The following PTPRQ variants were observed in gnomAD, a reference collection of about 807,000 sequenced individuals.
PTPRQ encodes phosphatidylinositol phosphatase PTPRQ.
PTPRQ carries 199 observed loss-of-function variants against 246.0 expected under a neutral mutation model. The observed-to-expected ratio is 0.81, with a 90% CI of 0.72 to 0.91. The LOEUF is 0.91. Ranked by LOEUF, PTPRQ falls within the 40% of genes least tolerant of loss-of-function variation. The pLI is 0.00. For missense variants in PTPRQ, 2,624 were observed against 2,528.4 expected, an observed-to-expected ratio of 1.04 and a Z score of -0.81; for synonymous variants, 869 against 853.2, an observed-to-expected ratio of 1.02 and a Z score of -0.32.
At chr12:80,477,785 T>A (rs985014748) in intron 8 of PTPRQ, among the ~76,000 whole-genome samples, 1 of 151,974 alleles carries the variant, frequency 6.6e-6, no homozygotes, top group Non-Finnish European at 1.5e-5. Context: ...ACCTGGAAAA[T>A]CGGGTCACTC....
At chr12:80,669,202 A>C (rs1900886588) in intron 40 of PTPRQ, 61 bp downstream of exon 40, 5 of 1,532,874 alleles carry the variant, frequency 3.3e-6, no homozygotes, top group South Asian at 1.2e-5. Flanking sequence ...ATATGTGTGA[A>C]TATTTCATCT....
chr12:80,541,984 C>T, intron 21 of PTPRQ, 105 bp from the exon 22 acceptor site: 1 of 1,470,186 alleles, frequency 6.8e-7, no homozygotes, highest in Non-Finnish European at 9.0e-7. Context: ...CACAGTGTTT[C>T]TTAAAATAAT....
At position 80,534,102 on chromosome 12, in the gene PTPRQ, T is replaced by C. The variant is rs1396573931; in HGVS notation, c.2766T>C (p.Tyr922=). 1.3e-6 allele frequency: 2 copies of C among 1,542,520 alleles called. No individual in the cohort carries two copies. Among genetic ancestry groups the C allele is most frequent in the Non-Finnish European group, 8.7e-7 (1 of 1,143,316 alleles). The change falls in exon 18 of 45, where the codon TAT becomes TAC. Residue 922 remains tyrosine (Y), a synonymous_variant. Transcript: ENST00000644991. ...ATTATAATGTTGAATACAGTGCTTA[T>C]GTAACAGCTAGCACCAGATTTGGTG... ...DLDYNVEYSA[Y]VTASTRFGDG...
chr12:80,526,185 G>T lies in PTPRQ; in HGVS notation c.2679-7830G>T, dbSNP rs77188613. Among the ~76,000 whole-genome samples the T allele has an allele frequency of 6.8e-3, 1,037 of 152,256 alleles. 12 individuals carry two copies. Among genetic ancestry groups the T allele is most frequent in the African/African-American group, 0.024 (993 of 41,550 alleles). ...TCTTCACATAAAAATCAAAATCTAT[G>T]GAGACAGGGTATGAATTGGAACCCA... On this transcript the variant is annotated intron_variant, in intron 17 of 44. Transcript: ENST00000644991.
intron 35 of PTPRQ, among the ~76,000 whole-genome samples, chr12:80,647,729 A>C (rs567921898): frequency 6.6e-5 from 10 of 152,218 alleles, no homozygotes; most frequent in African/African-American, 2.4e-4. Flanking sequence ...GCTTTCTTTA[A>C]ATCACTCTAG....
chr12:80,568,023 C>T (rs887370343), intron 25 of PTPRQ, among the ~76,000 whole-genome samples: 2 of 151,970 alleles, frequency 1.3e-5, no homozygotes, highest in Non-Finnish European at 2.9e-5. Context: ...TGATTATTGG[C>T]CATTCATATA....
chr12:80,482,262 C>G (rs113054662), intron 8 of PTPRQ, among the ~76,000 whole-genome samples: 3 of 150,726 alleles, frequency 2.0e-5, no homozygotes, highest in Non-Finnish European at 3.0e-5. Context: ...CTGAGAAAAA[C>G]AAGCAATGGG....
intron 25 of PTPRQ, among the ~76,000 whole-genome samples, chr12:80,572,348 T>C (rs1897168453): frequency 6.6e-6 from 1 of 152,246 alleles, no homozygotes; most frequent in South Asian, 2.1e-4. Flanking sequence ...TCAATTTTTA[T>C]ATTGACATTG....
chr12:80,567,621 G>GT (rs747991016), intron 25 of PTPRQ, among the ~76,000 whole-genome samples: 1 of 152,172 alleles, frequency 6.6e-6, no homozygotes, highest in Non-Finnish European at 1.5e-5. Context: ...TGTTGCTACA[G>GT]TTTTTTTAAT....
At chr12:80,538,046 T>G (rs1176890312) in intron 19 of PTPRQ, among the ~76,000 whole-genome samples, 1 of 151,928 alleles carries the variant, frequency 6.6e-6, no homozygotes, top group African/African-American at 2.4e-5. Flanking sequence ...GAGGTGGAGG[T>G]TGCAGTGAGC....
At chr12:80,444,716 C>A in intron 1 of PTPRQ, 25 bp from the exon 2 acceptor site, 3 of 1,493,814 alleles carry the variant, frequency 2.0e-6, no homozygotes, top group East Asian at 2.5e-5. Flanking sequence ...AATTTTAATG[C>A]AACTATTTGT....
chr12:80,627,764 A>G (rs1899261733), intron 33 of PTPRQ, among the ~76,000 whole-genome samples: 1 of 152,126 alleles, frequency 6.6e-6, no homozygotes, highest in South Asian at 2.1e-4. Flanking sequence ...AAAAAGAAAC[A>G]TGTTTATATT....
At chr12:80,480,441 G>C (rs1169506174) in intron 8 of PTPRQ, among the ~76,000 whole-genome samples, 81 of 151,488 alleles carry the variant, frequency 5.3e-4, no homozygotes, top group Middle Eastern at 3.4e-3. Context: ...AAAATTGACA[G>C]CCTAACATCA....
At chr12:80,559,930 T>C (rs2120913851) in intron 25 of PTPRQ, among the ~76,000 whole-genome samples, 1 of 152,354 alleles carries the variant, frequency 6.6e-6, no homozygotes, top group African/African-American at 2.4e-5. Flanking sequence ...CACAGGCTAC[T>C]TTCTGTTCCT....
intron 38 of PTPRQ, among the ~76,000 whole-genome samples, chr12:80,653,052 T>A (rs973644000): frequency 4.0e-4 from 61 of 152,302 alleles, no homozygotes; most frequent in African/African-American, 1.4e-3. Flanking sequence ...AGTTCACTTA[T>A]GCAGGTGCAA....
At chr12:80,548,815 T>G (rs1896383750) in intron 24 of PTPRQ, among the ~76,000 whole-genome samples, 1 of 152,092 alleles carries the variant, frequency 6.6e-6, no homozygotes, top group Non-Finnish European at 1.5e-5. Context: ...GCTAGGATAT[T>G]GTTCTTTGAC....
intron 9 of PTPRQ, among the ~76,000 whole-genome samples, chr12:80,491,665 A>G (rs1267754107): frequency 6.6e-6 from 1 of 151,982 alleles, no homozygotes; most frequent in Admixed American, 6.6e-5. Context: ...TCATTTCTCC[A>G]TTCTTTTATC....
chr12:80,465,336 C>T (rs932477491), intron 6 of PTPRQ: 1 of 152,276 alleles, frequency 6.6e-6, no homozygotes. Context: ...AGACCACTAA[C>T]AGGCTCTGAA....
intron 38 of PTPRQ, 113 bp from the exon 39 acceptor site, chr12:80,657,872 A>G (rs868194879): frequency 7.1e-6 from 5 of 700,450 alleles, no homozygotes; most frequent in African/African-American, 5.7e-5. Flanking sequence ...ATTTACCGCC[A>G]TCTGTGAAAT....
Sources: gnomAD v4.1 joint callset for allele counts (sites outside exome capture counted in the v4.1 genomes callset) on GRCh38, gnomAD v4.1.1 for gene constraint, MANE v1.5 for transcripts, NCBI Gene and HGNC (gene_info 2026-07-23, HGNC 2026-07-21) for gene names.